ARHGAP6: variants seen among roughly 807,000 people sequenced by gnomAD.
ARHGAP6 encodes rho GTPase-activating protein 6.
In ARHGAP6, 16 loss-of-function variants were observed where a neutral mutation model predicts 55.7. The ratio of observed to expected loss-of-function variants is 0.29; its 90% CI spans 0.19 to 0.44. ARHGAP6 has a LOEUF of 0.44. Ranked by LOEUF, ARHGAP6 falls within the 20% of genes least tolerant of loss-of-function variation. ARHGAP6 has a pLI of 1.00. For missense variants in ARHGAP6, 698 were observed against 808.9 expected (o/e 0.86, Z 1.66); for synonymous variants, 382 against 360.9 (o/e 1.06, Z -0.66).
At chrX:11,142,716 A>G (rs1423005739) in intron 11 of ARHGAP6, 1 of 111,848 alleles carries the variant, frequency 8.9e-6, no homozygotes, top group Non-Finnish European at 1.9e-5. Context: ...ATGTTGCTAG[A>G]CTGTTGGCTT....
chrX:11,532,853 G>A (rs1359733375), intron 1 of ARHGAP6, among the ~76,000 whole-genome samples: 1 of 111,638 alleles, frequency 9.0e-6, no homozygotes, highest in African/African-American at 3.3e-5. Context: ...AACAGAAACA[G>A]TTTGCTGATC....
intron 1 of ARHGAP6, among the ~76,000 whole-genome samples, chrX:11,392,738 G>A (rs942844223): frequency 1.8e-5 from 2 of 111,854 alleles, no homozygotes; most frequent in South Asian, 7.4e-4. Context: ...TCAAAGGCAG[G>A]CATCTGAATT....
intron 1 of ARHGAP6, among the ~76,000 whole-genome samples, chrX:11,372,792 A>AAAAAG (rs1306055380): frequency 4.7e-5 from 5 of 106,591 alleles, no homozygotes; most frequent in African/African-American, 1.0e-4. Flanking sequence ...AAAAAAAAAA[A>AAAAAG]AAAAGAAAAG....
intron 1 of ARHGAP6, among the ~76,000 whole-genome samples, chrX:11,496,441 TA>T (rs773743236): frequency 1.8e-5 from 2 of 111,952 alleles, no homozygotes; most frequent in East Asian, 5.6e-4. Context: ...TATAAGATTC[TA>T]AAAAAAGCTG....
At chrX:11,414,616 G>A (rs1271978500) in intron 1 of ARHGAP6, among the ~76,000 whole-genome samples, 4 of 110,737 alleles carry the variant, frequency 3.6e-5, no homozygotes, top group Non-Finnish European at 7.6e-5. Flanking sequence ...ATATGGTGAA[G>A]GTGTTCAAAC....
chrX:11,413,244 T>TA (rs2049709078), intron 1 of ARHGAP6, among the ~76,000 whole-genome samples: 1 of 112,381 alleles, frequency 8.9e-6, no homozygotes, highest in Non-Finnish European at 1.9e-5. Context: ...AGCCATGGTT[T>TA]TTTGAACCTC....
intron 1 of ARHGAP6, among the ~76,000 whole-genome samples, chrX:11,383,081 A>G (rs1261157798): frequency 8.9e-6 from 1 of 112,187 alleles, no homozygotes; most frequent in Non-Finnish European, 1.9e-5. Context: ...TTCCCTACAT[A>G]AATGACATCA....
At chrX:11,175,770 A>C (rs1281518193) in intron 8 of ARHGAP6, among the ~76,000 whole-genome samples, 1 of 110,802 alleles carries the variant, frequency 9.0e-6, no homozygotes, top group Admixed American at 9.6e-5. Flanking sequence ...AACATCCTAC[A>C]ATGCACAGGA....
chrX:11,300,624 A>G (rs1381852456), intron 1 of ARHGAP6: 6 of 1,193,669 alleles, frequency 5.0e-6, no homozygotes, highest in Non-Finnish European at 6.8e-6. Flanking sequence ...AGATCAGAAG[A>G]TGAGAGGGGA....
rs752452814 is a variant in ARHGAP6 at position 11,596,072 on chromosome X, G to A, written c.588+68169C>T. 3.2e-4 allele frequency among the ~76,000 whole-genome samples: 36 copies of A among 112,064 alleles called. No individual in the cohort carries two copies. The South Asian group carries it at 5.2e-3, about 16-fold the overall frequency. The stretch of plus-strand genomic sequence containing the variant: ...TTTCACCGAGCAATCCCATTACAGG[G>A]TATGTACCCAAAGGATTATAAACCA... On this transcript the variant is annotated intron_variant, in intron 1 of 12. Transcript: ENST00000337414.
At chrX:11,622,929 T>A (rs2052247124) in intron 1 of ARHGAP6, among the ~76,000 whole-genome samples, 1 of 111,797 alleles carries the variant, frequency 8.9e-6, no homozygotes, top group Non-Finnish European at 1.9e-5. Flanking sequence ...AATCTTAATA[T>A]TTATAAGTCA....
intron 1 of ARHGAP6, among the ~76,000 whole-genome samples, chrX:11,420,240 T>C (rs190265204): frequency 8.4e-4 from 94 of 112,373 alleles, no homozygotes; most frequent in African/African-American, 3.0e-3. Flanking sequence ...CCTTGTTGCA[T>C]CACTGGATCT....
chrX:11,500,427 G>A (rs898254195), intron 1 of ARHGAP6, among the ~76,000 whole-genome samples: 9 of 110,775 alleles, frequency 8.1e-5, no homozygotes, highest in Non-Finnish European at 1.1e-4. Context: ...TTGTGAGGCC[G>A]AGGTGGGTGG....
intron 1 of ARHGAP6, among the ~76,000 whole-genome samples, chrX:11,425,763 T>C (rs935623634): frequency 8.9e-6 from 1 of 112,577 alleles, no homozygotes. Context: ...TATATTTACA[T>C]AATTGAGGCA....
intron 1 of ARHGAP6, among the ~76,000 whole-genome samples, chrX:11,268,491 G>A (rs1431038405): frequency 8.9e-6 from 1 of 111,928 alleles, no homozygotes; most frequent in Non-Finnish European, 1.9e-5. Flanking sequence ...AATGGATGGC[G>A]CACAGTGAGG....
At chrX:11,623,696 CA>C (rs60192011) in intron 1 of ARHGAP6, among the ~76,000 whole-genome samples, 1,081 of 57,885 alleles carry the variant, frequency 0.019, 13 homozygotes, top group African/African-American at 0.058. Flanking sequence ...GACTCGGTCT[CA>C]AAAAAAAAAA....
At chrX:11,298,139 G>T in intron 1 of ARHGAP6, 1 of 1,210,011 alleles carries the variant, frequency 8.3e-7, no homozygotes, top group South Asian at 1.8e-5. Context: ...TGACAGGACT[G>T]CATTAGTGAG....
At chrX:11,442,893 T>C (rs1053073485) in intron 1 of ARHGAP6, among the ~76,000 whole-genome samples, 1 of 112,341 alleles carries the variant, frequency 8.9e-6, no homozygotes, top group East Asian at 2.8e-4. Flanking sequence ...TCATTTTCAA[T>C]AGAAAACTGG....
At chrX:11,407,415 G>T (rs371265413) in intron 1 of ARHGAP6, among the ~76,000 whole-genome samples, 3 of 112,120 alleles carry the variant, frequency 2.7e-5, no homozygotes, top group Admixed American at 1.9e-4. Context: ...GGATTCTTGG[G>T]TTTTTTCCAC....
Sources: gnomAD v4.1 joint callset for allele counts (sites outside exome capture counted in the v4.1 genomes callset) on GRCh38, gnomAD v4.1.1 for gene constraint, MANE v1.5 for transcripts, NCBI Gene and HGNC (gene_info 2026-07-23, HGNC 2026-07-21) for gene names.